MAD1L1: variants seen among roughly 807,000 people sequenced by gnomAD.
The protein encoded by MAD1L1 is mitotic arrest deficient 1 like 1.
Under a neutral mutation model 96.9 loss-of-function variants are expected in MAD1L1, and 95 were observed. That is an observed-to-expected ratio of 0.98 (90% CI 0.83 to 1.16). The LOEUF (loss-of-function observed/expected upper bound fraction) is 1.16, where lower values mean the gene tolerates loss of function less well. Among genes scored for constraint, MAD1L1 ranks in the 50% most tolerant of loss-of-function variants. The pLI is 0.00. For synonymous variants in MAD1L1, 473 were observed against 396.6 expected (o/e 1.19, Z -2.29); for missense variants, 1,007 against 954.4 (o/e 1.06, Z -0.73).
At chr7:1,986,645 T>C (rs1018664595) in intron 14 of MAD1L1, among the ~76,000 whole-genome samples, 1 of 152,210 alleles carries the variant, frequency 6.6e-6, no homozygotes, top group South Asian at 2.1e-4. Flanking sequence ...TGCACTCTCC[T>C]GCACCACGGG....
At chr7:2,020,169 C>T (rs1362238183) in intron 12 of MAD1L1, among the ~76,000 whole-genome samples, 2 of 152,194 alleles carry the variant, frequency 1.3e-5, no homozygotes, top group East Asian at 1.9e-4. Context: ...TGCGGCCCTA[C>T]AGTCCCGGGG....
intron 18 of MAD1L1, among the ~76,000 whole-genome samples, chr7:1,861,018 C>T (rs1191286690): frequency 2.0e-5 from 3 of 152,220 alleles, no homozygotes; most frequent in East Asian, 3.8e-4. Flanking sequence ...TGTCCTGGCC[C>T]GCCCCTCCCC....
At chr7:1,973,593 C>T (rs926384708) in intron 15 of MAD1L1, among the ~76,000 whole-genome samples, 21 of 152,140 alleles carry the variant, frequency 1.4e-4, no homozygotes, top group South Asian at 4.1e-4. Flanking sequence ...ACCCCACACA[C>T]GAGGACCACA....
rs988196497 is a variant in MAD1L1 at position 2,088,070 on chromosome 7, G to A, written c.1074-18732C>T. Among the ~76,000 whole-genome samples the A allele has an allele frequency of 2.0e-5, 3 of 152,160 alleles. No homozygotes were observed. The highest frequency in any genetic ancestry group is 4.4e-5 in the Non-Finnish European group (3 of 68,046). On this transcript the variant is annotated intron_variant, in intron 11 of 18. Transcript: ENST00000265854. This position sits in a 1 kb window ranked among gnomAD's most constrained non-coding sequence, Gnocchi z 4.4. ...GGAGAGTTAGAGAAGAAGAAGACTG[G>A]GACTCGGACCACACTGACTTCTCCC...
intron 18 of MAD1L1, chr7:1,874,416 C>T (rs191818443): frequency 4.3e-5 from 18 of 418,680 alleles, no homozygotes; most frequent in African/African-American, 2.7e-4. Flanking sequence ...GTGGCCAGGC[C>T]GTGACATCGA....
chr7:2,066,659 G>A (rs560481993), intron 12 of MAD1L1, among the ~76,000 whole-genome samples: 11 of 152,312 alleles, frequency 7.2e-5, no homozygotes, highest in African/African-American at 2.6e-4. Context: ...CAGGAAGGAA[G>A]CCGGGCACAG....
chr7:1,885,723 G>A (rs375374616), intron 18 of MAD1L1, among the ~76,000 whole-genome samples: 2 of 152,160 alleles, frequency 1.3e-5, no homozygotes, highest in African/African-American at 2.4e-5. Flanking sequence ...CTGCTGCCCC[G>A]TGGAGCAGAG....
chr7:2,090,770 C>T (rs1257497742), intron 11 of MAD1L1, among the ~76,000 whole-genome samples: 2 of 152,060 alleles, frequency 1.3e-5, no homozygotes, highest in African/African-American at 2.4e-5. Context: ...CCTTGGAGCC[C>T]GGGCGGGGCC....
chr7:1,877,819 G>A (rs1021461063), intron 18 of MAD1L1, among the ~76,000 whole-genome samples: 1 of 152,108 alleles, frequency 6.6e-6, no homozygotes, highest in Non-Finnish European at 1.5e-5. Flanking sequence ...AATTACAATT[G>A]CAAGTGATCA....
intron 11 of MAD1L1, among the ~76,000 whole-genome samples, chr7:2,138,406 A>G (rs961610871): frequency 1.3e-5 from 2 of 152,220 alleles, no homozygotes; most frequent in Non-Finnish European, 2.9e-5. Flanking sequence ...AGGCATCCTG[A>G]GAACCACGAC....
intron 12 of MAD1L1, among the ~76,000 whole-genome samples, chr7:2,028,154 G>A (rs1008786315): frequency 3.9e-5 from 6 of 152,022 alleles, no homozygotes; most frequent in East Asian, 1.9e-4. Flanking sequence ...GGCCGGGCGC[G>A]GTGACTCACG....
intron 17 of MAD1L1, among the ~76,000 whole-genome samples, chr7:1,923,644 G>A (rs746338964): frequency 2.6e-5 from 4 of 152,292 alleles, no homozygotes; most frequent in Non-Finnish European, 4.4e-5. Flanking sequence ...GCTGGCGTTG[G>A]CCGTGAAGGC....
At chr7:1,957,866 C>G in intron 15 of MAD1L1, 147 bp from the exon 16 acceptor site, 1 of 671,964 alleles carries the variant, frequency 1.5e-6, no homozygotes, top group Non-Finnish European at 2.6e-6. Flanking sequence ...CTCTCAGAGT[C>G]CAGCGATAAC....
intron 11 of MAD1L1, among the ~76,000 whole-genome samples, chr7:2,111,509 G>A (rs540817879): frequency 6.6e-6 from 1 of 152,338 alleles, no homozygotes; most frequent in Non-Finnish European, 1.5e-5. Flanking sequence ...AAAGACTTGA[G>A]AGGAAGCAAA....
At chr7:2,128,943 A>AG (rs1371705138) in intron 11 of MAD1L1, among the ~76,000 whole-genome samples, 7 of 152,196 alleles carry the variant, frequency 4.6e-5, no homozygotes, top group African/African-American at 1.4e-4. Context: ...GAAAAGCCAG[A>AG]GGGGGACACA....
intron 12 of MAD1L1, among the ~76,000 whole-genome samples, chr7:2,032,181 A>G (rs1055485628): frequency 3.3e-5 from 5 of 152,254 alleles, no homozygotes; most frequent in African/African-American, 1.2e-4. Context: ...TGCCTGGAAC[A>G]GAACAGGTGC....
chr7:1,937,213 CA>C (rs1778662992), intron 16 of MAD1L1, among the ~76,000 whole-genome samples: 1 of 152,174 alleles, frequency 6.6e-6, no homozygotes, highest in African/African-American at 2.4e-5. Flanking sequence ...CCCAGAATTC[CA>C]CACTCAGTGC....
chr7:1,940,535 C>G (rs2128466105), intron 16 of MAD1L1: 1 of 152,362 alleles, frequency 6.6e-6, no homozygotes, highest in East Asian at 1.9e-4. Context: ...ACCTCTTCAC[C>G]ATCCTACGGA....
chr7:2,104,443 C>T (rs1786981643), intron 11 of MAD1L1, among the ~76,000 whole-genome samples: 2 of 152,202 alleles, frequency 1.3e-5, no homozygotes, highest in Non-Finnish European at 2.9e-5. Flanking sequence ...ATCCCTGACC[C>T]GCATGTCAAA....
Sources: allele counts gnomAD v4.1 joint callset (sites outside exome capture counted in the v4.1 genomes callset), GRCh38; gene constraint gnomAD v4.1.1; non-coding constraint Gnocchi (gnomAD v3.1); transcripts MANE v1.5; gene names NCBI Gene and HGNC (gene_info 2026-07-23, HGNC 2026-07-21).